ZNF541: variants seen among roughly 807,000 people sequenced by gnomAD.
ZNF541 encodes zinc finger protein 541.
ZNF541 carries 23 observed loss-of-function variants against 123.5 expected under a neutral mutation model. That is an observed-to-expected ratio of 0.19 (90% CI 0.13 to 0.26). The LOEUF (loss-of-function observed/expected upper bound fraction) is 0.26. ZNF541 is among the 10% of genes least tolerant of loss of function. ZNF541 has a pLI of 1.00. For synonymous variants in ZNF541, 751 were observed against 754.5 expected, an observed-to-expected ratio of 1.00 and a Z score of 0.08; for missense variants, 1,612 against 1,789.9, an observed-to-expected ratio of 0.90 and a Z score of 1.79.
intron 4 of ZNF541, among the ~76,000 whole-genome samples, chr19:47,546,911 G>A (rs1000739085): frequency 2.0e-5 from 3 of 152,062 alleles, no homozygotes; most frequent in Admixed American, 6.6e-5. Flanking sequence ...GTAGAGACGG[G>A]GTTTTGCCTT....
intron 2 of ZNF541, among the ~76,000 whole-genome samples, chr19:47,570,803 C>G (rs1385393598): frequency 6.6e-6 from 1 of 151,432 alleles, no homozygotes; most frequent in African/African-American, 2.4e-5. Context: ...TTTAAATTAG[C>G]TGGGCGTGGT....
intron 12 of ZNF541, among the ~76,000 whole-genome samples, chr19:47,531,241 G>GTC (rs1484882379): frequency 3.5e-5 from 5 of 143,424 alleles, no homozygotes; most frequent in African/African-American, 1.3e-4. Context: ...GCGGGGGGGG[G>GTC]GGGGGGGGTC....
Position 47,545,479 on chromosome 19 carries a change from GAAC to G in ZNF541, c.1047_1049del (p.Phe350del). On this transcript the variant is annotated inframe_deletion, in exon 5 of 17. Coordinates refer to ENST00000391901, the MANE Select transcript of ZNF541 (RefSeq NM_001277075.3). This position sits in a 1 kb window ranked among gnomAD's most constrained non-coding sequence, Gnocchi z 7.5. ...CGGCGGCCCTGGAATTAGGGGCTGT[GAAC>G]ACGTCAGTGGCCGGCTCTTTCTGTG... 1 of 1,489,518 alleles carries G rather than the reference GAAC, an allele frequency of 6.7e-7. No individual in the cohort carries two copies. The highest frequency in any genetic ancestry group is 1.4e-5 in the African/African-American group (1 of 71,138). The allele number at this position is 1,489,518 out of a possible 1,614,324, so 92.3% of individuals were successfully genotyped here.
At chr19:47,529,820 C>T (rs936624513) in intron 12 of ZNF541, among the ~76,000 whole-genome samples, 168 bp from the exon 13 acceptor site, 6 of 152,174 alleles carry the variant, frequency 3.9e-5, no homozygotes, top group African/African-American at 1.4e-4. Context: ...ACTGTCTGTG[C>T]GTGCATCAAC....
intron 2 of ZNF541, among the ~76,000 whole-genome samples, chr19:47,566,911 C>G (rs907764833): frequency 1.3e-5 from 2 of 150,856 alleles, no homozygotes; most frequent in African/African-American, 2.4e-5. Flanking sequence ...ATTAGCCAGG[C>G]GTGGTGGCGG....
chr19:47,523,899 C>T (rs1969164839), intron 14 of ZNF541, among the ~76,000 whole-genome samples: 1 of 152,182 alleles, frequency 6.6e-6, no homozygotes, highest in African/African-American at 2.4e-5. Flanking sequence ...CCCCCAAGAA[C>T]TCACCCAAAG....
intron 9 of ZNF541, among the ~76,000 whole-genome samples, chr19:47,536,618 G>A (rs551995833): frequency 2.0e-5 from 3 of 152,262 alleles, no homozygotes; most frequent in Admixed American, 2.0e-4. Context: ...AAATTAGCCA[G>A]GCATGGGGGT....
At chr19:47,562,221 C>A (rs931591516) in intron 2 of ZNF541, among the ~76,000 whole-genome samples, 6 of 151,754 alleles carry the variant, frequency 4.0e-5, no homozygotes, top group Non-Finnish European at 8.8e-5. Context: ...TGCACTCCAG[C>A]CTGGGCGACA....
At chr19:47,524,643 G>A (rs1313672254) in intron 14 of ZNF541, among the ~76,000 whole-genome samples, 1 of 151,142 alleles carries the variant, frequency 6.6e-6, no homozygotes, top group Non-Finnish European at 1.5e-5. Context: ...AGGAGGTGGA[G>A]GTTACAGTGA....
intron 3 of ZNF541, among the ~76,000 whole-genome samples, chr19:47,555,135 T>G (rs1475460536): frequency 6.6e-6 from 1 of 150,464 alleles, no homozygotes; most frequent in Non-Finnish European, 1.5e-5. Context: ...TTTGGGAGGC[T>G]GAGGCGGGCG....
chr19:47,538,102 C>T (rs1041150458), intron 9 of ZNF541, 40 bp downstream of exon 9: 5 of 1,546,598 alleles, frequency 3.2e-6, no homozygotes, highest in Non-Finnish European at 4.4e-6. Context: ...GCAGGCAATC[C>T]ACCCTGGGAT....
intron 11 of ZNF541, 63 bp from the exon 12 acceptor site, chr19:47,531,808 AC>A (rs1969585535): frequency 8.5e-6 from 12 of 1,404,844 alleles, no homozygotes; most frequent in Non-Finnish European, 1.2e-5. Flanking sequence ...CTAGGGAGGA[AC>A]CTTTCCCGAA....
intron 2 of ZNF541, among the ~76,000 whole-genome samples, chr19:47,566,469 G>A (rs1971267349): frequency 1.3e-5 from 2 of 152,156 alleles, no homozygotes; most frequent in South Asian, 4.1e-4. Context: ...GATGGGGCCA[G>A]GTATGGTGGC....
At position 47,532,557 on chromosome 19, in the gene ZNF541, G is replaced by A. The variant is rs893184310; in HGVS notation, c.3159-287C>T. On this transcript the variant is annotated intron_variant, in intron 10 of 16. Coordinates refer to ENST00000391901, the MANE Select transcript of ZNF541 (RefSeq NM_001277075.3). ...AAGCTGACACCCGGCATGTGTCTAC[G>A]TCCACACCACAGCCATCCAGCCACA... Among the ~76,000 whole-genome samples, 130 of 152,016 alleles carry A rather than the reference G, an allele frequency of 8.6e-4. 1 individual carries two copies. The highest frequency in any genetic ancestry group is 3.0e-3 in the African/African-American group (125 of 41,450).
chr19:47,540,721 T>G (rs1486883214), intron 6 of ZNF541, among the ~76,000 whole-genome samples, 172 bp downstream of exon 6: 2 of 152,198 alleles, frequency 1.3e-5, no homozygotes, highest in Admixed American at 1.3e-4. Flanking sequence ...ATTACAGGCG[T>G]GAGCCACCGC....
chr19:47,569,695 C>T (rs971301045), intron 2 of ZNF541, among the ~76,000 whole-genome samples: 6 of 151,764 alleles, frequency 4.0e-5, no homozygotes, highest in African/African-American at 7.3e-5. Flanking sequence ...AGATCCCCGC[C>T]GCCCCCCACC....
At chr19:47,539,508 C>T (rs1969982586) in intron 8 of ZNF541, among the ~76,000 whole-genome samples, 197 bp downstream of exon 8, 1 of 151,938 alleles carries the variant, frequency 6.6e-6, no homozygotes, top group Non-Finnish European at 1.5e-5. Context: ...CACCATGTTG[C>T]CCAGGCTGGT....
In ZNF541 at chr19:47,540,344, C is replaced by T; in HGVS notation, c.2463-9G>A. ...TGCCGTTTTGCTGGTTACTGTGGGA[C>T]ATGGCAGGAAAGAAGAGTGGGAGAT... On this transcript the variant is annotated splice_polypyrimidine_tract_variant and intron_variant, in intron 6 of 16. Transcript: ENST00000391901. 1 of 1,548,906 alleles carries T rather than the reference C, an allele frequency of 6.5e-7. No homozygotes were observed. Among genetic ancestry groups the T allele is most frequent in the Non-Finnish European group, 8.7e-7 (1 of 1,145,254 alleles).
At position 47,544,805 on chromosome 19, in the gene ZNF541, G is replaced by A; in HGVS notation, c.1724C>T (p.Ala575Val). The A allele has an allele frequency of 6.5e-7, 1 of 1,529,498 alleles. No homozygotes were observed. Among genetic ancestry groups the A allele is most frequent in the Non-Finnish European group, 8.8e-7 (1 of 1,142,476 alleles). 94.7% of individuals were successfully genotyped at this position (1,529,498 alleles called of 1,614,324 possible). The part of the protein sequence containing the change: ...QRIFSHAQVA[A>V]VSSQLPAPEG... ...GGGCGCAGGGAGCTGGGAGGAGACTGCTGCCACCTGGGCATGGGAGAAGAT... is the reference window on the plus strand; with the variant it reads ...GGGCGCAGGGAGCTGGGAGGAGACTACTGCCACCTGGGCATGGGAGAAGAT... Residue 575 changes from alanine to valine, a missense_variant, in exon 5 of 17, where the codon GCA (alanine) becomes GTA (valine). Ala to Val is a moderately conservative substitution (Grantham distance 64). This residue lies in a region of ZNF541 where 1,080 missense variants were observed against 1,013.8 expected (regional missense o/e 1.07). Coordinates refer to ENST00000391901, the MANE Select transcript of ZNF541 (RefSeq NM_001277075.3).
Sources: gnomAD v4.1 joint callset for allele counts (sites outside exome capture counted in the v4.1 genomes callset) on GRCh38, gnomAD v4.1.1 for gene constraint, gnomAD v4.1.1 regional missense constraint, Gnocchi (gnomAD v3.1) non-coding constraint, MANE v1.5 for transcripts, NCBI Gene and HGNC (gene_info 2026-07-23, HGNC 2026-07-21) for gene names.